POGLUT1: variants seen among roughly 807,000 people sequenced by gnomAD.
POGLUT1 encodes the protein 9630046K23Rik.
Under a neutral mutation model 61.3 loss-of-function variants are expected in POGLUT1, and 32 were observed. The observed-to-expected ratio is 0.52, with a 90% CI of 0.39 to 0.70. The LOEUF (loss-of-function observed/expected upper bound fraction) is 0.70. Ranked by LOEUF, POGLUT1 falls within the 30% of genes least tolerant of loss-of-function variation. POGLUT1 has a pLI of 0.00. For synonymous variants in POGLUT1, 158 were observed against 158.2 expected (o/e 1.00, Z 0.01); for missense variants, 411 against 469.8 (o/e 0.87, Z 1.16).
intron 6 of POGLUT1, among the ~76,000 whole-genome samples, chr3:119,486,287 C>T (rs972487238): frequency 6.6e-6 from 1 of 152,164 alleles, no homozygotes; most frequent in African/African-American, 2.4e-5. Context: ...AACAGATTAT[C>T]AAGGAATCCA....
At chr3:119,471,858 C>T (rs2081477640) in intron 3 of POGLUT1, 1 of 239,958 alleles carries the variant, frequency 4.2e-6, no homozygotes, top group South Asian at 4.8e-5. Context: ...GTGGTAGAGT[C>T]AAGAGGAGTA....
chr3:119,485,716 A>G (rs1241420991), intron 6 of POGLUT1, among the ~76,000 whole-genome samples: 1 of 152,222 alleles, frequency 6.6e-6, no homozygotes, highest in Non-Finnish European at 1.5e-5. Context: ...GTAGCTTATG[A>G]TCATGCCACG....
At chr3:119,472,990 T>G (rs2081493673) in intron 3 of POGLUT1, among the ~76,000 whole-genome samples, 1 of 152,222 alleles carries the variant, frequency 6.6e-6, no homozygotes, top group Admixed American at 6.5e-5. Context: ...TGAGCCGTGA[T>G]TATGCCACTG....
At chr3:119,474,655 G>A (rs928987269) in intron 3 of POGLUT1, among the ~76,000 whole-genome samples, 1 of 152,038 alleles carries the variant, frequency 6.6e-6, no homozygotes, top group African/African-American at 2.4e-5. Flanking sequence ...GGCCAATATG[G>A]TGAAACCCCG....
chr3:119,479,423 C>T (rs1449187080), intron 4 of POGLUT1, among the ~76,000 whole-genome samples: 4 of 152,134 alleles, frequency 2.6e-5, no homozygotes, highest in South Asian at 2.1e-4. Context: ...AAGAATTTTA[C>T]GTGTATCAAC....
At chr3:119,471,550 C>A in intron 3 of POGLUT1, 98 bp downstream of exon 3, 1 of 1,063,436 alleles carries the variant, frequency 9.4e-7, no homozygotes, top group Non-Finnish European at 1.5e-6. Context: ...ACAAGCAGAT[C>A]CCTCCTCACA....
intron 8 of POGLUT1, chr3:119,489,195 A>G: frequency 2.5e-6 from 1 of 406,696 alleles, no homozygotes; most frequent in Non-Finnish European, 4.5e-6. Context: ...TCCTGCTTCC[A>G]AACAGCTGCA....
At chr3:119,492,160 CAAAT>C (rs1285983042) in intron 10 of POGLUT1, 118 bp from the exon 11 acceptor site, 37 of 615,354 alleles carry the variant, frequency 6.0e-5, no homozygotes, top group Non-Finnish European at 8.9e-5. Context: ...TCTTGAGGCT[CAAAT>C]GAATTAATTT....
intron 6 of POGLUT1, among the ~76,000 whole-genome samples, chr3:119,486,404 A>T (rs2081664221): frequency 6.6e-6 from 1 of 152,056 alleles, no homozygotes; most frequent in African/African-American, 2.4e-5. Context: ...CATTTTTTTT[A>T]AATTAAATAT....
chr3:119,483,379 GGAAAGGCAGT>G (rs1258041385), intron 5 of POGLUT1, among the ~76,000 whole-genome samples: 1 of 152,190 alleles, frequency 6.6e-6, no homozygotes, highest in African/African-American at 2.4e-5. Flanking sequence ...GTGCATGAAT[GGAAAGGCAGT>G]GTAGGTTTTA....
intron 3 of POGLUT1, among the ~76,000 whole-genome samples, chr3:119,475,973 CACACACACACACACACACACAAACACAT>C (rs2081531948): frequency 8.4e-6 from 1 of 118,862 alleles, no homozygotes; most frequent in African/African-American, 3.6e-5. Context: ...CACACACACA[CACACACACACACACACACACAAACACAT>C]ACAGAGTTGC....
chr3:119,482,203 C>T (rs2081613064), intron 5 of POGLUT1, among the ~76,000 whole-genome samples: 1 of 152,172 alleles, frequency 6.6e-6, no homozygotes, highest in Non-Finnish European at 1.5e-5. Context: ...TTCCCACCTG[C>T]CATGCAGCTG....
At chr3:119,481,205 C>G (rs1051358760) in intron 5 of POGLUT1, among the ~76,000 whole-genome samples, 6 of 152,130 alleles carry the variant, frequency 3.9e-5, no homozygotes, top group African/African-American at 1.4e-4. Context: ...GCTGAGGGAG[C>G]ATAAATGTCC....
At chr3:119,474,754 G>C (rs111637049) in intron 3 of POGLUT1, among the ~76,000 whole-genome samples, 1 of 152,100 alleles carries the variant, frequency 6.6e-6, no homozygotes, top group Non-Finnish European at 1.5e-5. Context: ...CAGGAAAATC[G>C]CTTGAACCCG....
rs930234968 is a variant in POGLUT1, at chr3:119,486,103, G to A, written c.638+716G>A. 3.9e-5 allele frequency among the ~76,000 whole-genome samples: 6 copies of A among 152,154 alleles called. 1 individual carries two copies. Among genetic ancestry groups the A allele is most frequent in the Non-Finnish European group, 8.8e-5 (6 of 68,030 alleles). On this transcript the variant is annotated intron_variant, in intron 6 of 10. Transcript: ENST00000295588. ...GGAGCTAGACTTTAGGAGGTAAATG[G>A]ATTATCCAGCTACTATGTCCTGTTT...
At chr3:119,469,506 A>G in intron 1 of POGLUT1, among the ~76,000 whole-genome samples, 1 of 152,186 alleles carries the variant, frequency 6.6e-6, no homozygotes, top group Admixed American at 6.5e-5. Context: ...CTTTTAACTG[A>G]TCCTCTTTGT....
At chr3:119,474,862 C>T (rs560085623) in intron 3 of POGLUT1, among the ~76,000 whole-genome samples, 2 of 151,838 alleles carry the variant, frequency 1.3e-5, no homozygotes, top group African/African-American at 4.8e-5. Flanking sequence ...TTAAATTAAA[C>T]TAAATTAAAA....
In POGLUT1 at chr3:119,486,698, G is replaced by A. The variant is rs187516992; in HGVS notation, c.639-135G>A. Reference sequence around the variant, plus strand: ...GCAGTACCCAGTATACCCCTCCTCCGCTGTCACGTCACCAGTGAATTGTCC... The same window carrying A: ...GCAGTACCCAGTATACCCCTCCTCCACTGTCACGTCACCAGTGAATTGTCC... On this transcript the variant is annotated intron_variant, in intron 6 of 10. Coordinates refer to ENST00000295588, the MANE Select transcript of POGLUT1 (RefSeq NM_152305.3). 8.3e-4 allele frequency: 596 copies of A among 715,708 alleles called. 3 individuals carry two copies. The highest frequency in any genetic ancestry group is 1.8e-3 in the South Asian group (115 of 63,826). 44.3% of individuals were successfully genotyped at this position (715,708 alleles called of 1,614,324 possible).
intron 5 of POGLUT1, among the ~76,000 whole-genome samples, chr3:119,482,327 A>C (rs1476835782): frequency 6.6e-6 from 1 of 152,224 alleles, no homozygotes; most frequent in African/African-American, 2.4e-5. Context: ...TTATTGGTGT[A>C]TCTAAGTAAT....
Sources: allele counts gnomAD v4.1 joint callset (sites outside exome capture counted in the v4.1 genomes callset), GRCh38; gene constraint gnomAD v4.1.1; transcripts MANE v1.5; gene names NCBI Gene and HGNC (gene_info 2026-07-23, HGNC 2026-07-21).